POF1B: variants seen among roughly 807,000 people sequenced by gnomAD.
POF1B encodes the protein POF1B actin binding protein, also known as protein POF1B.
Under a neutral mutation model 55.3 loss-of-function variants are expected in POF1B, and 53 were observed. The observed-to-expected ratio is 0.96, with a 90% CI of 0.77 to 1.20. The LOEUF (loss-of-function observed/expected upper bound fraction) is 1.20, where lower values mean the gene tolerates loss of function less well. POF1B is among the 50% of genes most tolerant of loss of function. POF1B has a pLI of 0.00. For missense variants in POF1B, 478 were observed against 420.5 expected (o/e 1.14, Z -1.20); for synonymous variants, 188 against 148.3 (o/e 1.27, Z -1.95).
At chrX:85,314,895 G>T (rs1411030506) in intron 8 of POF1B, among the ~76,000 whole-genome samples, 1 of 111,624 alleles carries the variant, frequency 9.0e-6, no homozygotes, top group Non-Finnish European at 1.9e-5. Context: ...TCTAGAAGCT[G>T]ATTTTTGAAA....
intron 15 of POF1B, among the ~76,000 whole-genome samples, chrX:85,286,131 A>C (rs1198587879): frequency 9.0e-6 from 1 of 111,466 alleles, no homozygotes; most frequent in Non-Finnish European, 1.9e-5. Flanking sequence ...GGCTAATAAT[A>C]TATGTGAAAG....
chrX:85,288,281 C>T (rs1343515542), intron 15 of POF1B, among the ~76,000 whole-genome samples: 1 of 111,059 alleles, frequency 9.0e-6, no homozygotes, highest in Non-Finnish European at 1.9e-5. Flanking sequence ...GTTGAGAAGT[C>T]GTACTCTCTT....
intron 6 of POF1B, among the ~76,000 whole-genome samples, chrX:85,331,665 A>C (rs1321002517): frequency 1.8e-5 from 2 of 110,910 alleles, no homozygotes; most frequent in African/African-American, 6.5e-5. Flanking sequence ...CCACAGTGTT[A>C]TAGAACACTG....
chrX:85,364,736 A>T (rs1030338029), intron 3 of POF1B, among the ~76,000 whole-genome samples: 8 of 111,205 alleles, frequency 7.2e-5, no homozygotes, highest in Admixed American at 4.8e-4. Context: ...CTTGAGGATG[A>T]TCTTCTTGTG....
At chrX:85,317,596 T>C (rs1468371597) in intron 7 of POF1B, among the ~76,000 whole-genome samples, 1 of 111,034 alleles carries the variant, frequency 9.0e-6, no homozygotes, top group South Asian at 3.8e-4. Flanking sequence ...TCTGTTCATG[T>C]CATTTGCCCA....
chrX:85,301,967 A>G (rs1278223974), intron 15 of POF1B, among the ~76,000 whole-genome samples: 1 of 111,737 alleles, frequency 8.9e-6, no homozygotes, highest in African/African-American at 3.2e-5. Flanking sequence ...TATTTCATAC[A>G]ATTAGTAACC....
intron 16 of POF1B, among the ~76,000 whole-genome samples, chrX:85,279,748 A>G (rs749297111): frequency 3.6e-5 from 4 of 111,417 alleles, no homozygotes; most frequent in Non-Finnish European, 7.6e-5. Context: ...ATGCATTTAA[A>G]TATATTCTGA....
At chrX:85,334,402 CTGTGCTGAAGAATA>C (rs1933029998) in intron 6 of POF1B, among the ~76,000 whole-genome samples, 1 of 111,384 alleles carries the variant, frequency 9.0e-6, no homozygotes. Flanking sequence ...GGAATACAGG[CTGTGCTGAAGAATA>C]TAAACATATA....
intron 6 of POF1B, among the ~76,000 whole-genome samples, chrX:85,345,554 G>A (rs766539089): frequency 5.4e-5 from 6 of 110,909 alleles, no homozygotes; most frequent in Admixed American, 2.9e-4. Flanking sequence ...ACCATACCTC[G>A]TGAAAATATT....
chrX:85,340,276 A>G (rs1402937508), intron 6 of POF1B, among the ~76,000 whole-genome samples: 2 of 111,005 alleles, frequency 1.8e-5, no homozygotes, highest in Non-Finnish European at 3.8e-5. Flanking sequence ...AGGGGCACAG[A>G]AGGTGGATGG....
At chrX:85,321,876 C>A (rs776657799) in intron 7 of POF1B, among the ~76,000 whole-genome samples, 360 of 109,190 alleles carry the variant, frequency 3.3e-3, no homozygotes, top group Non-Finnish European at 4.0e-3. Context: ...CCTAGGAATC[C>A]AACTTACAAG....
At chrX:85,300,603 T>TA (rs1932423637) in intron 15 of POF1B, among the ~76,000 whole-genome samples, 1 of 112,022 alleles carries the variant, frequency 8.9e-6, no homozygotes, top group African/African-American at 3.2e-5. Context: ...TTTCCAGAGT[T>TA]ACCACATTAT....
chrX:85,346,083 A>C, intron 5 of POF1B, 41 bp from the exon 6 acceptor site: 1 of 945,685 alleles, frequency 1.1e-6, no homozygotes, highest in Middle Eastern at 2.9e-4. Flanking sequence ...ACTTAGGATA[A>C]ACATTACTAA....
chrX:85,340,757 C>T (rs1015912266), intron 6 of POF1B, among the ~76,000 whole-genome samples: 3 of 110,167 alleles, frequency 2.7e-5, no homozygotes, highest in Non-Finnish European at 5.7e-5. Context: ...ATAATTCAAA[C>T]CAAGGCAGGT....
At chrX:85,351,532 C>T (rs759450467) in intron 4 of POF1B, 81 bp from the exon 5 acceptor site, 21 of 668,345 alleles carry the variant, frequency 3.1e-5, no homozygotes, top group South Asian at 2.9e-4. Context: ...TATCCAGTGT[C>T]GAATAGGCTC....
chrX:85,329,891 T>C (rs1932948009), intron 7 of POF1B, among the ~76,000 whole-genome samples: 1 of 109,694 alleles, frequency 9.1e-6, no homozygotes, highest in Admixed American at 9.8e-5. Context: ...AAATATATAC[T>C]ATATATATTT....
At chrX:85,376,602 A>G (rs1395483173) in intron 2 of POF1B, among the ~76,000 whole-genome samples, 2 of 111,635 alleles carry the variant, frequency 1.8e-5, no homozygotes, top group Non-Finnish European at 3.8e-5. Context: ...ATAACCAAAA[A>G]ACATAAAATA....
chrX:85,323,652 C>T (rs1038503741), intron 7 of POF1B, among the ~76,000 whole-genome samples: 10 of 110,749 alleles, frequency 9.0e-5, no homozygotes, highest in Non-Finnish European at 1.5e-4. Context: ...CTCATTCATT[C>T]TTTCAAGGAG....
chrX:85,315,802 G>T, intron 7 of POF1B, 68 bp from the exon 8 acceptor site: 1 of 831,207 alleles, frequency 1.2e-6, no homozygotes, highest in Non-Finnish European at 1.7e-6. Context: ...ATAAATGCTA[G>T]TTTTCTATTA....
Sources: allele counts gnomAD v4.1 joint callset (sites outside exome capture counted in the v4.1 genomes callset), GRCh38; gene constraint gnomAD v4.1.1; transcripts MANE v1.5; gene names NCBI Gene and HGNC (gene_info 2026-07-23, HGNC 2026-07-21).